Variants in EXOC4 observed in about 807,000 individuals in gnomAD.
EXOC4 encodes exocyst complex component 4.
EXOC4 carries 71 observed loss-of-function variants against 107.2 expected under a neutral mutation model. The ratio of observed to expected loss-of-function variants is 0.66; its 90% CI spans 0.55 to 0.81. The LOEUF (loss-of-function observed/expected upper bound fraction) is 0.81. Ranked by LOEUF, EXOC4 falls within the 30% of genes least tolerant of loss-of-function variation. EXOC4 has a pLI of 0.00. For synonymous variants in EXOC4, 456 were observed against 441.2 expected (o/e 1.03, Z -0.42); for missense variants, 1,108 against 1,189.6 (o/e 0.93, Z 1.01).
At chr7:133,393,346 G>C (rs1221849563) in intron 7 of EXOC4, among the ~76,000 whole-genome samples, 1 of 152,156 alleles carries the variant, frequency 6.6e-6, no homozygotes, top group African/African-American at 2.4e-5. Context: ...CCTTTGGAGA[G>C]AAGGAACTAT....
chr7:133,983,725 A>G (rs1794048529), intron 14 of EXOC4, among the ~76,000 whole-genome samples: 1 of 12,718 alleles, frequency 7.9e-5, no homozygotes, highest in Admixed American at 1.1e-3. Flanking sequence ...TATTCATCCA[A>G]AAATACCTTG....
At chr7:133,523,251 C>G (rs538099622) in intron 9 of EXOC4, among the ~76,000 whole-genome samples, 8 of 152,214 alleles carry the variant, frequency 5.3e-5, no homozygotes, top group African/African-American at 1.7e-4. Flanking sequence ...TTAAAGCAGA[C>G]TCTATATTTT....
chr7:133,673,001 G>A (rs891169671), intron 10 of EXOC4, among the ~76,000 whole-genome samples: 2 of 152,120 alleles, frequency 1.3e-5, no homozygotes, highest in African/African-American at 4.8e-5. Flanking sequence ...CCATCTTATA[G>A]CTGCTACCTG....
At position 133,272,570 on chromosome 7, in the gene EXOC4, T is replaced by C. The variant is rs985433907; in HGVS notation, c.87-2412T>C. ...CTATTATTATTTTTATTATCCTTGC[T>C]GCCTTCCTTTTCTCTAATTAAAAAA... On this transcript the variant is annotated intron_variant, in intron 1 of 17. Transcript: ENST00000253861. Among the ~76,000 whole-genome samples, 5 of 152,136 alleles carry C rather than the reference T, an allele frequency of 3.3e-5. No homozygotes were observed. In the East Asian group the frequency reaches 9.6e-4, roughly 29 times the overall value.
chr7:133,922,943 G>A (rs1799970937), intron 13 of EXOC4, among the ~76,000 whole-genome samples: 1 of 151,562 alleles, frequency 6.6e-6, no homozygotes, highest in South Asian at 2.1e-4. Context: ...CATTCTGCTG[G>A]GCTCTTGGAA....
rs1323279800 is a variant in EXOC4, at chr7:134,062,062, CTA to C, written c.2688-2227_2688-2226del. Among the ~76,000 whole-genome samples the C allele has an allele frequency of 2.6e-5, 4 of 152,170 alleles. 1 individual carries two copies. The Middle Eastern group carries it at 9.5e-3, about 361-fold the overall frequency. ...CAGGGTCACCCTGGACCAGTGATTG[CTA>C]TGTGTCTGGTTCTGTGATGCCAAAA... On this transcript the variant is annotated intron_variant, in intron 17 of 17. Coordinates refer to ENST00000253861, the MANE Select transcript of EXOC4 (RefSeq NM_021807.4).
At chr7:134,034,075 A>AG (rs1795331989) in intron 17 of EXOC4, among the ~76,000 whole-genome samples, 1 of 98,546 alleles carries the variant, frequency 1.0e-5, no homozygotes, top group Non-Finnish European at 2.3e-5. Flanking sequence ...CGTCGTGTCT[A>AG]AAAGAGACTT....
intron 7 of EXOC4, among the ~76,000 whole-genome samples, chr7:133,381,746 T>A (rs1228693839): frequency 2.6e-5 from 4 of 152,188 alleles, no homozygotes; most frequent in Non-Finnish European, 5.9e-5. Flanking sequence ...CTTAGCTCCA[T>A]CTTACACCTT....
intron 10 of EXOC4, among the ~76,000 whole-genome samples, chr7:133,723,691 A>C (rs960376680): frequency 1.3e-5 from 2 of 152,130 alleles, no homozygotes; most frequent in African/African-American, 4.8e-5. Context: ...GGGTTTCACT[A>C]TGTTGGTTGG....
chr7:133,792,477 C>T (rs117911788), intron 10 of EXOC4, among the ~76,000 whole-genome samples: 14,940 of 133,652 alleles, frequency 0.11, 857 homozygotes, highest in Middle Eastern at 0.2. Context: ...TGCTTGAGCC[C>T]GGAAGGTTGA....
intron 10 of EXOC4, among the ~76,000 whole-genome samples, chr7:133,816,598 C>T (rs868701646): frequency 6.6e-6 from 1 of 152,104 alleles, no homozygotes; most frequent in African/African-American, 2.4e-5. Context: ...TATATATATA[C>T]ATGTAAAGCA....
chr7:133,835,851 T>G (rs1306405172), intron 11 of EXOC4, among the ~76,000 whole-genome samples: 1 of 152,216 alleles, frequency 6.6e-6, no homozygotes, highest in African/African-American at 2.4e-5. Flanking sequence ...TTACTCTTTC[T>G]CAACCAGCTT....
intron 3 of EXOC4, among the ~76,000 whole-genome samples, chr7:133,290,155 T>C (rs550696732): frequency 6.6e-6 from 1 of 152,304 alleles, no homozygotes; most frequent in Admixed American, 6.5e-5. Context: ...AAAACCTGGT[T>C]ATGTGATAAG....
intron 5 of EXOC4, among the ~76,000 whole-genome samples, chr7:133,338,438 A>G (rs1335011377): frequency 6.8e-6 from 1 of 147,478 alleles, no homozygotes; most frequent in Non-Finnish European, 1.5e-5. Context: ...CTAAAAATAC[A>G]AAAAATTAGC....
chr7:133,578,593 C>T (rs113556648), intron 9 of EXOC4, among the ~76,000 whole-genome samples: 5 of 152,124 alleles, frequency 3.3e-5, no homozygotes, highest in Non-Finnish European at 7.4e-5. Flanking sequence ...ATCAAAAAGA[C>T]TTGCCTCACT....
intron 11 of EXOC4, among the ~76,000 whole-genome samples, chr7:133,883,478 CA>C (rs1168936994): frequency 0.15 from 19,863 of 128,154 alleles, 1,438 homozygotes; most frequent in African/African-American, 0.21. Flanking sequence ...CCATCTCTAC[CA>C]AAAAAAAAAA....
At chr7:133,743,575 C>T (rs1265711238) in intron 10 of EXOC4, among the ~76,000 whole-genome samples, 1 of 152,090 alleles carries the variant, frequency 6.6e-6, no homozygotes. Flanking sequence ...AGGAAGATAG[C>T]GAATGGATTT....
chr7:133,611,534 C>T (rs1802076269), intron 9 of EXOC4, among the ~76,000 whole-genome samples: 2 of 152,078 alleles, frequency 1.3e-5, no homozygotes, highest in African/African-American at 4.8e-5. Context: ...TAGGACCTAC[C>T]ACACCCTGTT....
At chr7:133,322,802 C>A (rs1389934478) in intron 5 of EXOC4, among the ~76,000 whole-genome samples, 1 of 152,148 alleles carries the variant, frequency 6.6e-6, no homozygotes, top group East Asian at 1.9e-4. Context: ...CTGTAAATTA[C>A]TTTGGGCAGT....
Sources: allele counts gnomAD v4.1 joint callset (sites outside exome capture counted in the v4.1 genomes callset), GRCh38; gene constraint gnomAD v4.1.1; transcripts MANE v1.5; gene names NCBI Gene and HGNC (gene_info 2026-07-23, HGNC 2026-07-21).